Variants in FOXP4 observed in about 807,000 individuals in gnomAD.
FOXP4 encodes forkhead box P4.
In FOXP4, 25 loss-of-function variants were observed where a neutral mutation model predicts 82.6. The ratio of observed to expected loss-of-function variants is 0.30; its 90% CI spans 0.22 to 0.42. The LOEUF (loss-of-function observed/expected upper bound fraction) is 0.42. FOXP4 is among the 10% of genes least tolerant of loss of function. The pLI is 1.00. For synonymous variants in FOXP4, 415 were observed against 388.2 expected, an observed-to-expected ratio of 1.07 and a Z score of -0.81; for missense variants, 785 against 900.9, an observed-to-expected ratio of 0.87 and a Z score of 1.65.
At chr6:41,590,745 G>A (rs1276798711) in intron 12 of FOXP4, among the ~76,000 whole-genome samples, 1 of 151,938 alleles carries the variant, frequency 6.6e-6, no homozygotes, top group Non-Finnish European at 1.5e-5. Context: ...AACTTACATC[G>A]ACACATATGT....
intron 3 of FOXP4, 62 bp downstream of exon 3, chr6:41,578,143 G>T: frequency 7.1e-7 from 1 of 1,412,562 alleles, no homozygotes; most frequent in Admixed American, 1.8e-5. Flanking sequence ...GGCACAGAGG[G>T]AGGGCAAGGA....
chr6:41,582,636 C>T (rs1765865711), intron 3 of FOXP4, among the ~76,000 whole-genome samples: 1 of 152,208 alleles, frequency 6.6e-6, no homozygotes, highest in Non-Finnish European at 1.5e-5. Context: ...CTTTGAGCAG[C>T]CTCCCCAGCT....
At position 41,599,112 on chromosome 6, in the gene FOXP4, C is replaced by A; in HGVS notation, c.*176C>A. 1 of 815,934 alleles carries A rather than the reference C, an allele frequency of 1.2e-6. No individual in the cohort carries two copies. Among genetic ancestry groups the A allele is most frequent in the Non-Finnish European group, 1.9e-6 (1 of 534,300 alleles). The allele number at this position is 815,934 out of a possible 1,614,324, so 50.5% of individuals were successfully genotyped here. Reference sequence around the variant, plus strand: ...TGACAAAAACACGTAGGGGCAGGGACGGTCCCCACCCCCAGGGACACAACC... The same window carrying A: ...TGACAAAAACACGTAGGGGCAGGGAAGGTCCCCACCCCCAGGGACACAACC... On this transcript the variant is annotated 3_prime_UTR_variant, in exon 17 of 17. Transcript: ENST00000307972.
rs548266052 is a variant in FOXP4 at position 41,578,893 on chromosome 6, T to C, written c.300+812T>C. On this transcript the variant is annotated intron_variant, in intron 3 of 16. Transcript: ENST00000307972. ...TCCCCCAGCAGAGGGAGGCTCAGAATTGGGGAAGGGATTAAGCCAGGCTTT... is the reference window on the plus strand; with the variant it reads ...TCCCCCAGCAGAGGGAGGCTCAGAACTGGGGAAGGGATTAAGCCAGGCTTT... Among the ~76,000 whole-genome samples, 35 of 151,874 alleles carry C rather than the reference T, an allele frequency of 2.3e-4. 1 individual carries two copies. In the South Asian group the frequency reaches 6.2e-3, roughly 27 times the overall value.
chr6:41,578,215 A>T lies in FOXP4; in HGVS notation c.300+134A>T, dbSNP rs1369070864. On this transcript the variant is annotated intron_variant, in intron 3 of 16. Transcript: ENST00000307972. The stretch of plus-strand genomic sequence containing the variant: ...AAAAGTGGGCAACTTTTCAAAGGAA[A>T]TACAGTCACTGCAGGGGTGGGGCAA... 3 of 705,146 alleles carry T rather than the reference A, an allele frequency of 4.3e-6. No individual in the cohort carries two copies. In the African/African-American group the frequency reaches 5.4e-5, roughly 13 times the overall value. The allele number at this position is 705,146 out of a possible 1,614,324, so 43.7% of individuals were successfully genotyped here. A position where few individuals can be genotyped will look rare whatever the true frequency, so the allele number is the denominator to read the frequency against.
chr6:41,591,787 C>T lies in FOXP4; in HGVS notation c.1536+465C>T, dbSNP rs561568502. The stretch of plus-strand genomic sequence containing the variant: ...GATGGACCAAGAGCCGTGGACCACA[C>T]ATTGGGGCACTGACGGCACTCACAG... On this transcript the variant is annotated intron_variant, in intron 13 of 16. Coordinates refer to ENST00000307972, the MANE Select transcript of FOXP4 (RefSeq NM_001012426.2). This position sits in a 1 kb window ranked among gnomAD's most constrained non-coding sequence, Gnocchi z 4.2. Among the ~76,000 whole-genome samples the T allele has an allele frequency of 6.6e-6, 1 of 152,322 alleles. No individual in the cohort carries two copies. Among genetic ancestry groups the T allele is most frequent in the Admixed American group, 6.5e-5 (1 of 15,306 alleles).
chr6:41,577,874 A>G (rs1187827574), intron 2 of FOXP4, 112 bp from the exon 3 acceptor site: 18 of 717,812 alleles, frequency 2.5e-5, no homozygotes, highest in Non-Finnish European at 3.8e-5. Flanking sequence ...TCTCACCCCC[A>G]AGACCTTCCA....
In FOXP4 at chr6:41,597,644, G is replaced by A. The variant is rs981565952; in HGVS notation, c.1726-137G>A. ...AAGGCTGAGTTGGGGCTTGGGGGTTGCCCAGACAGATCCGCCCGTGGGGCC... is the reference window on the plus strand; with the variant it reads ...AAGGCTGAGTTGGGGCTTGGGGGTTACCCAGACAGATCCGCCCGTGGGGCC... On this transcript the variant is annotated intron_variant, in intron 15 of 16. Transcript: ENST00000307972. 4.5e-6 allele frequency: 5 copies of A among 1,113,724 alleles called. No individual in the cohort carries two copies. In the African/African-American group the frequency reaches 7.8e-5, roughly 17 times the overall value. 69.0% of individuals were successfully genotyped at this position (1,113,724 alleles called of 1,614,324 possible).
At chr6:41,578,201 A>G (rs779856249) in intron 3 of FOXP4, 120 bp downstream of exon 3, 88 of 792,834 alleles carry the variant, frequency 1.1e-4, no homozygotes, top group Non-Finnish European at 1.6e-4. Flanking sequence ...AAAGTGGGCA[A>G]CTTTTCAAAG....
intron 1 of FOXP4, among the ~76,000 whole-genome samples, chr6:41,554,077 T>C (rs533436358): frequency 6.6e-6 from 1 of 152,306 alleles, no homozygotes; most frequent in South Asian, 2.1e-4. Context: ...CCGTTTCACA[T>C]ACCTCCTTGT....
chr6:41,548,075 TG>T (rs991619305), intron 1 of FOXP4, among the ~76,000 whole-genome samples: 81 of 152,230 alleles, frequency 5.3e-4, no homozygotes, highest in African/African-American at 1.9e-3. Context: ...GATCCTAGGT[TG>T]GGGGGAAAGG....
Position 41,600,850 on chromosome 6 carries a change from C to G in FOXP4, c.*1914C>G, listed in dbSNP as rs887903324. On this transcript the variant is annotated 3_prime_UTR_variant, in exon 17 of 17. Coordinates refer to ENST00000307972, the MANE Select transcript of FOXP4 (RefSeq NM_001012426.2). ...CCCTGTGCCTCCTGTCCCTTCCACG[C>G]TTAAACAGGGTTCTCTGTCATTTTC... The G allele has an allele frequency of 6.6e-6, 1 of 152,372 alleles. No homozygotes were observed. The highest frequency in any genetic ancestry group is 2.4e-5 in the African/African-American group (1 of 41,460). The allele number at this position is 152,372 out of a possible 1,614,324, so 9.4% of individuals were successfully genotyped here. A position where few individuals can be genotyped will look rare whatever the true frequency, so the allele number is the denominator to read the frequency against.
intron 3 of FOXP4, among the ~76,000 whole-genome samples, chr6:41,582,082 G>A: frequency 6.6e-6 from 1 of 152,256 alleles, no homozygotes. Flanking sequence ...GCACACCAGG[G>A]GAGGAGACAG....
At position 41,546,541 on chromosome 6, in the gene FOXP4, G is replaced by C. The variant is rs1279390357; in HGVS notation, c.-343G>C. The C allele has an allele frequency of 2.7e-5, 4 of 148,426 alleles. No homozygotes were observed. The highest frequency in any genetic ancestry group is 6.0e-5 in the Non-Finnish European group (4 of 66,328). 9.2% of individuals were successfully genotyped at this position (148,426 alleles called of 1,614,324 possible). On this transcript the variant is annotated 5_prime_UTR_variant, in exon 1 of 17. Transcript: ENST00000307972. ...GGCGCGGCGGGGAGGAGCCCGGGCC[G>C]GAACCAGGGCTGGGCCGGGGGCGGG...
chr6:41,571,787 C>T (rs1187386133), intron 2 of FOXP4, among the ~76,000 whole-genome samples: 1 of 152,026 alleles, frequency 6.6e-6, no homozygotes, highest in African/African-American at 2.4e-5. Context: ...TGTCTCTTTG[C>T]TGGAGGACAA....
intron 1 of FOXP4, among the ~76,000 whole-genome samples, chr6:41,560,503 C>T (rs1410301337): frequency 1.3e-5 from 2 of 152,242 alleles, no homozygotes; most frequent in Admixed American, 6.5e-5. Context: ...CCCTTAAGAA[C>T]TGGGGCCTCA....
At position 41,565,835 on chromosome 6, in the gene FOXP4, G is replaced by A. The variant is rs34730847; in HGVS notation, c.75G>A (p.Gly25=). ...SGQNGVGSLS[G]QADGSSGGAT... Reference sequence around the variant, plus strand: ...AGAATGGCGTGGGCAGCCTCTCTGGGCAAGCCGATGGCAGCAGCGGCGGGG... The same window carrying A: ...AGAATGGCGTGGGCAGCCTCTCTGGACAAGCCGATGGCAGCAGCGGCGGGG... Residue 25 remains glycine (G), a synonymous_variant, in exon 2 of 17, where the codon GGG becomes GGA. Transcript: ENST00000307972. 79,787 of 1,613,846 alleles carry A rather than the reference G, an allele frequency of 0.049. 2,252 individuals are homozygous for A. Among genetic ancestry groups the A allele is most frequent in the South Asian group, 0.071 (6,479 of 91,066 alleles).
chr6:41,572,575 G>A lies in FOXP4; in HGVS notation c.205-5411G>A, dbSNP rs546157193. Among the ~76,000 whole-genome samples the A allele has an allele frequency of 4.6e-5, 7 of 152,324 alleles. No individual in the cohort carries two copies. In the East Asian group the frequency reaches 1.3e-3, roughly 29 times the overall value. On this transcript the variant is annotated intron_variant, in intron 2 of 16. Coordinates refer to ENST00000307972, the MANE Select transcript of FOXP4 (RefSeq NM_001012426.2). The stretch of plus-strand genomic sequence containing the variant: ...GCTCAGAATGGGGCGAGGTGGGCCA[G>A]CACCCTCAAATACCCTTCTAGTCCC...
intron 1 of FOXP4, among the ~76,000 whole-genome samples, chr6:41,552,185 G>A (rs541841884): frequency 6.6e-6 from 1 of 152,308 alleles, no homozygotes; most frequent in African/African-American, 2.4e-5. Flanking sequence ...TGGAGACCCA[G>A]GCCTAAAGAA....
Sources: allele counts gnomAD v4.1 joint callset (sites outside exome capture counted in the v4.1 genomes callset), GRCh38; gene constraint gnomAD v4.1.1; non-coding constraint Gnocchi (gnomAD v3.1); transcripts MANE v1.5; gene names NCBI Gene and HGNC (gene_info 2026-07-23, HGNC 2026-07-21).